The following NFIA variants were observed in gnomAD, a reference collection of about 807,000 sequenced individuals.
The protein encoded by NFIA is nuclear factor 1 A-type.
A neutral mutation model predicts 62.8 loss-of-function variants in NFIA; 8 were observed. The ratio of observed to expected loss-of-function variants is 0.13; its 90% CI spans 0.07 to 0.23. The LOEUF is 0.23. Ranked by LOEUF, NFIA falls within the 10% of genes least tolerant of loss-of-function variation. The pLI is 1.00. For missense variants in NFIA, 410 were observed against 642.1 expected, an observed-to-expected ratio of 0.64 and a Z score of 3.91; for synonymous variants, 235 against 238.1, an observed-to-expected ratio of 0.99 and a Z score of 0.12.
At chr1:61,244,409 G>A (rs1655523898) in intron 2 of NFIA, among the ~76,000 whole-genome samples, 1 of 152,136 alleles carries the variant, frequency 6.6e-6, no homozygotes, top group African/African-American at 2.4e-5. Context: ...TCTTTTGTAG[G>A]CTTTCCTCCC....
At chr1:61,332,645 G>T in intron 4 of NFIA, 59 bp downstream of exon 4, 3 of 1,465,734 alleles carry the variant, frequency 2.0e-6, no homozygotes, top group Non-Finnish European at 2.9e-6. Context: ...CTTACTTTCT[G>T]CCTAGGACTC....
chr1:61,077,575 G>T, upstream of NFIA: 1 of 1,338,856 alleles, frequency 7.5e-7, no homozygotes, highest in East Asian at 2.7e-5. Flanking sequence ...AACAAATGAA[G>T]CAATTCGTCT....
rs574379606 is a variant in NFIA, at chr1:61,213,125, C to T, written c.560-64395C>T. 5.3e-5 allele frequency among the ~76,000 whole-genome samples: 8 copies of T among 152,258 alleles called. No homozygotes were observed. In the South Asian group the frequency reaches 1.0e-3, roughly 20 times the overall value. On this transcript the variant is annotated intron_variant, in intron 2 of 10. Transcript: ENST00000403491. ...AGACAAAAATCGGGAAAGTATAACC[C>T]CGAGGGCAACAATAATGAAATTTTA...
chr1:61,087,747 C>T (rs1473091364), intron 1 of NFIA, among the ~76,000 whole-genome samples: 1 of 152,122 alleles, frequency 6.6e-6, no homozygotes, highest in Non-Finnish European at 1.5e-5. Context: ...GGCTGTACTA[C>T]AAGTGGTGAG....
intron 9 of NFIA, among the ~76,000 whole-genome samples, chr1:61,414,614 T>G (rs1666271810): frequency 6.6e-6 from 1 of 151,980 alleles, no homozygotes; most frequent in African/African-American, 2.4e-5. Flanking sequence ...TACTTAAGTA[T>G]GAATTGGTTT....
At chr1:61,388,508 ATCT>A (rs776376018) in intron 7 of NFIA, among the ~76,000 whole-genome samples, 17 of 152,204 alleles carry the variant, frequency 1.1e-4, no homozygotes, top group Non-Finnish European at 2.2e-4. Flanking sequence ...GAAGGTTTAG[ATCT>A]TCTTGAAACT....
chr1:61,416,304 AATG>A (rs1450357712), intron 9 of NFIA, among the ~76,000 whole-genome samples: 1 of 152,180 alleles, frequency 6.6e-6, no homozygotes, highest in Non-Finnish European at 1.5e-5. Context: ...TTTATACTAA[AATG>A]ATGACAGTGA....
intron 1 of NFIA, among the ~76,000 whole-genome samples, chr1:61,083,033 C>T (rs191144940): frequency 2.0e-5 from 3 of 152,200 alleles, no homozygotes; most frequent in Admixed American, 1.3e-4. Flanking sequence ...TGTTTCCATG[C>T]GGGTGCATTC....
chr1:61,372,345 A>C (rs1444024345), intron 6 of NFIA, among the ~76,000 whole-genome samples: 1 of 152,138 alleles, frequency 6.6e-6, no homozygotes, highest in Non-Finnish European at 1.5e-5. Context: ...AAATATTTCT[A>C]AGATATGAAG....
chr1:61,120,778 C>G (rs1356077005), intron 2 of NFIA, among the ~76,000 whole-genome samples: 1 of 152,118 alleles, frequency 6.6e-6, no homozygotes, highest in South Asian at 2.1e-4. Context: ...TTTTAAATAG[C>G]TTGCTGGTTC....
At position 61,406,543 on chromosome 1, in the gene NFIA, G is replaced by GGGGGGCC; in HGVS notation, c.1255-19_1255-18insGGGGGCC. 1 of 876,652 alleles carries GGGGGGCC rather than the reference G, an allele frequency of 1.1e-6. No homozygotes were observed. The highest frequency in any genetic ancestry group is 1.5e-6 in the Non-Finnish European group (1 of 653,742). The allele number at this position is 876,652 out of a possible 1,614,324, so 54.3% of individuals were successfully genotyped here. A position where few individuals can be genotyped will look rare whatever the true frequency, so the allele number is the denominator to read the frequency against. ...TCTTTTTCTTGTACGTGTGTTTTCT[G>GGGGGGCC]CCCCCCCCCCCCCCACAGCCCAATG... On this transcript the variant is annotated intron_variant, in intron 8 of 10. Coordinates refer to ENST00000403491, the MANE Select transcript of NFIA (RefSeq NM_001134673.4).
At chr1:61,136,540 G>A (rs74086479) in intron 2 of NFIA, among the ~76,000 whole-genome samples, 3,907 of 152,292 alleles carry the variant, frequency 0.026, 184 homozygotes, top group African/African-American at 0.091. Context: ...TAACGCCTAT[G>A]AGAGGCAAAT....
At chr1:61,329,191 G>A (rs939011933) in intron 3 of NFIA, among the ~76,000 whole-genome samples, 1 of 150,860 alleles carries the variant, frequency 6.6e-6, no homozygotes, top group Non-Finnish European at 1.5e-5. Context: ...GGGATTACAA[G>A]CGTGCGCCAC....
chr1:61,209,504 T>A (rs989746371), intron 2 of NFIA, among the ~76,000 whole-genome samples: 6 of 152,122 alleles, frequency 3.9e-5, no homozygotes, highest in Admixed American at 3.9e-4. Flanking sequence ...TCTTTATTTT[T>A]AAAGTTTTTT....
At chr1:61,338,128 A>G (rs1194334222) in intron 4 of NFIA, among the ~76,000 whole-genome samples, 3 of 152,186 alleles carry the variant, frequency 2.0e-5, no homozygotes, top group African/African-American at 2.4e-5. Flanking sequence ...GGATGACTTC[A>G]TGGCCCTGGA....
upstream of NFIA, chr1:61,082,009 C>G (rs1294819009): frequency 5.2e-6 from 8 of 1,549,220 alleles, no homozygotes; most frequent in Non-Finnish European, 7.0e-6. Context: ...CCGGGGGGTG[C>G]GGGGCAACCT....
intron 2 of NFIA, among the ~76,000 whole-genome samples, chr1:61,200,035 T>C (rs1452876588): frequency 1.4e-3 from 60 of 43,488 alleles, no homozygotes; most frequent in African/African-American, 7.3e-3. Context: ...TATATATATA[T>C]ATATATATAT....
At chr1:61,406,035 T>C (rs1665802080) in intron 8 of NFIA, among the ~76,000 whole-genome samples, 1 of 152,318 alleles carries the variant, frequency 6.6e-6, no homozygotes, top group East Asian at 1.9e-4. Context: ...TTATATAATA[T>C]CAACTTTGAA....
chr1:61,241,927 G>A (rs2100646131), intron 2 of NFIA, among the ~76,000 whole-genome samples: 1 of 152,214 alleles, frequency 6.6e-6, no homozygotes. Context: ...CCTAGACAAG[G>A]CAATACTTTC....
Sources: allele counts gnomAD v4.1 joint callset (sites outside exome capture counted in the v4.1 genomes callset), GRCh38; gene constraint gnomAD v4.1.1; transcripts MANE v1.5; gene names NCBI Gene and HGNC (gene_info 2026-07-23, HGNC 2026-07-21).